The following KIFC1 variants were observed in gnomAD, a reference collection of about 807,000 sequenced individuals.
KIFC1 encodes kinesin-like protein KIFC1.
Under a neutral mutation model 66.6 loss-of-function variants are expected in KIFC1, and 37 were observed. The observed-to-expected ratio is 0.56, with a 90% CI of 0.43 to 0.73. KIFC1 has a LOEUF of 0.73. KIFC1 is among the 30% of genes least tolerant of loss of function. The pLI is 0.00. For synonymous variants in KIFC1, 325 were observed against 343.5 expected, an observed-to-expected ratio of 0.95 and a Z score of 0.60; for missense variants, 721 against 859.8, an observed-to-expected ratio of 0.84 and a Z score of 2.02.
chr6:33,391,840 GGTGTGGCGC>G lies in KIFC1; in HGVS notation c.-144_-136del. Reference sequence around the variant, plus strand: ...TGGCCGTTGGAATTCAAAAGTGGCGGGTGTGGCGCGGGGCTGGTAGCGGCCGGAGCCGTG... The same window carrying G: ...TGGCCGTTGGAATTCAAAAGTGGCGGGGGGCTGGTAGCGGCCGGAGCCGTG... On this transcript the variant is annotated 5_prime_UTR_variant, in exon 1 of 11. Transcript: ENST00000428849. 1 of 907,750 alleles carries G rather than the reference GGTGTGGCGC, an allele frequency of 1.1e-6. No homozygotes were observed. The highest frequency in any genetic ancestry group is 1.7e-6 in the Non-Finnish European group (1 of 577,634). 56.2% of individuals were successfully genotyped at this position (907,750 alleles called of 1,614,324 possible). A position where few individuals can be genotyped will look rare whatever the true frequency, so the allele number is the denominator to read the frequency against.
rs199728061 is a variant in KIFC1, at chr6:33,406,910, G to T, written c.1977+35G>T. ...CCACCCGTCAGCCTTGTCAGGACCCGTGGGTGGTTGTAGGCTTCTCCATTC... is the reference window on the plus strand; with the variant it reads ...CCACCCGTCAGCCTTGTCAGGACCCTTGGGTGGTTGTAGGCTTCTCCATTC... On this transcript the variant is annotated intron_variant, in intron 10 of 10. Coordinates refer to ENST00000428849, the MANE Select transcript of KIFC1 (RefSeq NM_002263.4). The surrounding 1 kb of genome is among the most constrained non-coding windows in gnomAD (Gnocchi z 4.5). 97 of 1,613,372 alleles carry T rather than the reference G, an allele frequency of 6.0e-5. No homozygotes were observed. The East Asian group carries it at 2.1e-3, about 34-fold the overall frequency.
At chr6:33,394,866 A>G (rs1348219052) in intron 1 of KIFC1, among the ~76,000 whole-genome samples, 2 of 152,220 alleles carry the variant, frequency 1.3e-5, no homozygotes, top group African/African-American at 4.8e-5. Context: ...AACTGTCAGC[A>G]TATCAATGAT....
rs1581914545 is a variant in KIFC1, at chr6:33,401,356, G to C, written c.251-1958G>C. Reference sequence around the variant, plus strand: ...TCACCGTATTAGTCAGGATGGTCTCGATCTCCTGACCTCGTGATCCGCCCG... The same window carrying C: ...TCACCGTATTAGTCAGGATGGTCTCCATCTCCTGACCTCGTGATCCGCCCG... On this transcript the variant is annotated intron_variant, in intron 3 of 10. Transcript: ENST00000428849. The surrounding 1 kb of genome is among the most constrained non-coding windows in gnomAD (Gnocchi z 4.5). 6.6e-6 allele frequency among the ~76,000 whole-genome samples: 1 copy of C among 151,744 alleles called. No individual in the cohort carries two copies. Among genetic ancestry groups the C allele is most frequent in the South Asian group, 2.1e-4 (1 of 4,804 alleles).
At chr6:33,391,708 G>T (rs988959123), upstream of KIFC1, 3 of 593,462 alleles carry the variant, frequency 5.1e-6, no homozygotes, top group African/African-American at 5.6e-5. Flanking sequence ...CAAGGCGCCT[G>T]TCGGGCGGGG....
Position 33,403,926 on chromosome 6 carries a change from C to T in KIFC1, c.553C>T (p.Arg185Cys), listed in dbSNP as rs1292087085. 1.1e-5 allele frequency: 18 copies of T among 1,614,102 alleles called. No individual in the cohort carries two copies. Among genetic ancestry groups the T allele is most frequent in the African/African-American group, 5.3e-5 (4 of 74,932 alleles). Residue 185 changes from arginine to cysteine, a missense_variant, in exon 6 of 11, where the codon CGC becomes TGC. Coordinates refer to ENST00000428849, the MANE Select transcript of KIFC1 (RefSeq NM_002263.4). This position sits in a 1 kb window ranked among gnomAD's most constrained non-coding sequence, Gnocchi z 4.6. ...QQQVKALGTERTTLEGHLAKV... is the reference protein window; with the variant it reads ...QQQVKALGTECTTLEGHLAKV... ...GCAGGTCAAGGCCCTGGGGACAGAG[C>T]GCACAACACTGGAGGGGCATTTAGC...
intron 1 of KIFC1, among the ~76,000 whole-genome samples, chr6:33,395,732 G>C (rs1360122184): frequency 6.6e-6 from 1 of 152,018 alleles, no homozygotes; most frequent in Non-Finnish European, 1.5e-5. Context: ...GTAGTGTAGA[G>C]AGGAGGAAGG....
In KIFC1 at chr6:33,406,223, C is replaced by G. The variant is rs1562839176; in HGVS notation, c.1564C>G (p.Gln522Glu). ...GGACGCCCTGCTTCATCTGGCCCGC[C>G]AGAATCGGGCTGTGGCCCGCACAGC... ...EVDALLHLAR[Q>E]NRAVARTAQN... The change falls in exon 8 of 11, where the codon CAG becomes GAG. Residue 522 changes from glutamine to glutamate, a missense_variant. Transcript: ENST00000428849. This position sits in a 1 kb window ranked among gnomAD's most constrained non-coding sequence, Gnocchi z 4.5. 1.2e-6 allele frequency: 2 copies of G among 1,608,648 alleles called. No homozygotes were observed. The highest frequency in any genetic ancestry group is 1.3e-5 in the African/African-American group (1 of 74,898).
intron 10 of KIFC1, among the ~76,000 whole-genome samples, chr6:33,408,286 G>A (rs139561529): frequency 2.0e-5 from 3 of 152,276 alleles, no homozygotes; most frequent in Admixed American, 6.5e-5. Flanking sequence ...CTATTATGTC[G>A]TTTGTTGAAG....
In KIFC1 at chr6:33,400,455, G is replaced by A; in HGVS notation, c.250+2068G>A. The A allele has an allele frequency of 6.2e-6, 10 of 1,603,578 alleles. No individual in the cohort carries two copies. The highest frequency in any genetic ancestry group is 7.7e-6 in the Non-Finnish European group (9 of 1,174,630). ...CAACCTTTTTTGGAGACAGACCCAG[G>A]GGGCCGATCTTGGGGGCCAGGGCAG... is the stretch of plus-strand genomic sequence containing the variant. On this transcript the variant is annotated intron_variant, in intron 3 of 10. Coordinates refer to ENST00000428849, the MANE Select transcript of KIFC1 (RefSeq NM_002263.4). The surrounding 1 kb of genome is among the most constrained non-coding windows in gnomAD (Gnocchi z 4.3).
chr6:33,406,463 G>A lies in KIFC1; in HGVS notation c.1804G>A (p.Val602Ile). The change falls in exon 8 of 11, where the codon GTT (valine) becomes ATT (isoleucine). Residue 602 changes from valine (V) to isoleucine (I), a missense_variant. Transcript: ENST00000428849. The surrounding 1 kb of genome is among the most constrained non-coding windows in gnomAD (Gnocchi z 4.5). ...INSSLSTLGL[V>I]IMALSNKESH... ...CAGCAGCCTGTCCACGCTGGGGCTG[G>A]TTATCATGGCCCTGAGCAACAAGGT... 6.3e-7 allele frequency: 1 copy of A among 1,598,152 alleles called. No individual in the cohort carries two copies. Among genetic ancestry groups the A allele is most frequent in the Non-Finnish European group, 8.5e-7 (1 of 1,169,808 alleles).
In KIFC1 at chr6:33,405,717, G is replaced by A. The variant is rs1375909093; in HGVS notation, c.1536+86G>A. On this transcript the variant is annotated intron_variant, in intron 7 of 10. Coordinates refer to ENST00000428849, the MANE Select transcript of KIFC1 (RefSeq NM_002263.4). The surrounding 1 kb of genome is among the most constrained non-coding windows in gnomAD (Gnocchi z 5.4). Reference sequence around the variant, plus strand: ...TGGAGGTAGAGGGAGAAAGGAGCAAGAGAGAATTGAAGGATGAAGTGCAAG... The same window carrying A: ...TGGAGGTAGAGGGAGAAAGGAGCAAAAGAGAATTGAAGGATGAAGTGCAAG... 7.6e-7 allele frequency: 1 copy of A among 1,318,200 alleles called. No homozygotes were observed. The highest frequency in any genetic ancestry group is 2.6e-5 in the East Asian group (1 of 39,062). The allele number at this position is 1,318,200 out of a possible 1,614,324, so 81.7% of individuals were successfully genotyped here. A position where few individuals can be genotyped will look rare whatever the true frequency, so the allele number is the denominator to read the frequency against.
chr6:33,403,223 A>G lies in KIFC1; in HGVS notation c.251-91A>G. The G allele has an allele frequency of 1.7e-6, 2 of 1,198,658 alleles. No homozygotes were observed. Among genetic ancestry groups the G allele is most frequent in the South Asian group, 1.2e-5 (1 of 81,742 alleles). 74.3% of individuals were successfully genotyped at this position (1,198,658 alleles called of 1,614,324 possible). A position where few individuals can be genotyped will look rare whatever the true frequency, so the allele number is the denominator to read the frequency against. ...AAGTTATCCTATTTCTAATTCTGAGAAAAGCACTTCTTCTGCCCCTGTCCT... is the reference window on the plus strand; with the variant it reads ...AAGTTATCCTATTTCTAATTCTGAGGAAAGCACTTCTTCTGCCCCTGTCCT... On this transcript the variant is annotated intron_variant, in intron 3 of 10. Transcript: ENST00000428849. This position sits in a 1 kb window ranked among gnomAD's most constrained non-coding sequence, Gnocchi z 4.6.
rs1775343770 is a variant in KIFC1 at position 33,400,984 on chromosome 6, C to T, written c.251-2330C>T. ...TGACTCTTGTAATAACAACTGAAAA[C>T]ACAAACATTGTATAGCTTTACAGAA... On this transcript the variant is annotated intron_variant, in intron 3 of 10. Coordinates refer to ENST00000428849, the MANE Select transcript of KIFC1 (RefSeq NM_002263.4). This position sits in a 1 kb window ranked among gnomAD's most constrained non-coding sequence, Gnocchi z 4.3. Among the ~76,000 whole-genome samples, 1 of 152,138 alleles carries T rather than the reference C, an allele frequency of 6.6e-6. No homozygotes were observed. Among genetic ancestry groups the T allele is most frequent in the Non-Finnish European group, 1.5e-5 (1 of 68,014 alleles).
intron 1 of KIFC1, 85 bp downstream of exon 1, chr6:33,392,082 G>C: frequency 6.8e-7 from 1 of 1,470,110 alleles, no homozygotes; most frequent in South Asian, 1.2e-5. Context: ...CCGGCTCCCG[G>C]TCGGCCTTTG....
chr6:33,404,158 G>A lies in KIFC1; in HGVS notation c.756+29G>A, dbSNP rs1775516564. 6.3e-7 allele frequency: 1 copy of A among 1,579,046 alleles called. No homozygotes were observed. The highest frequency in any genetic ancestry group is 1.2e-5 in the South Asian group (1 of 84,964). On this transcript the variant is annotated intron_variant, in intron 6 of 10. Coordinates refer to ENST00000428849, the MANE Select transcript of KIFC1 (RefSeq NM_002263.4). The surrounding 1 kb of genome is among the most constrained non-coding windows in gnomAD (Gnocchi z 4.0). The stretch of plus-strand genomic sequence containing the variant: ...AGGGCCAGATTTTCACCAGATGTCA[G>A]CCCCGCTTTCCTGGCAGAGGTCATG...
In KIFC1 at chr6:33,405,053, G is replaced by C. The variant is rs1170509631; in HGVS notation, c.958G>C (p.Val320Leu). 1.2e-6 allele frequency: 2 copies of C among 1,614,012 alleles called. No individual in the cohort carries two copies. The highest frequency in any genetic ancestry group is 2.7e-5 in the African/African-American group (2 of 74,942). ...CCGTGTATTCTGCCGGGTCCGCCCT[G>C]TCCTGCCGGGGGAGCCCACTCCACC... The part of the protein sequence containing the change: ...NIRVFCRVRP[V>L]LPGEPTPPPG... Residue 320 changes from valine (V) to leucine (L), a missense_variant, in exon 7 of 11, where the codon GTC (valine) becomes CTC (leucine). By Grantham distance (32) the Val-to-Leu change is conservative. Coordinates refer to ENST00000428849, the MANE Select transcript of KIFC1 (RefSeq NM_002263.4). This position sits in a 1 kb window ranked among gnomAD's most constrained non-coding sequence, Gnocchi z 5.4.
intron 1 of KIFC1, among the ~76,000 whole-genome samples, chr6:33,393,360 A>G (rs557027978): frequency 6.6e-6 from 1 of 151,110 alleles, no homozygotes; most frequent in East Asian, 1.9e-4. Flanking sequence ...GAGATGGGGA[A>G]TCATTGGATG....
chr6:33,407,033 G>C, intron 10 of KIFC1, 158 bp downstream of exon 10: 1 of 1,419,918 alleles, frequency 7.0e-7, no homozygotes, highest in Non-Finnish European at 9.2e-7. Flanking sequence ...TTAATTATTA[G>C]CTTTTGAGTT....
rs1775322951 is a variant in KIFC1 at position 33,400,614 on chromosome 6, C to A, written c.250+2227C>A. On this transcript the variant is annotated intron_variant, in intron 3 of 10. Coordinates refer to ENST00000428849, the MANE Select transcript of KIFC1 (RefSeq NM_002263.4). The surrounding 1 kb of genome is among the most constrained non-coding windows in gnomAD (Gnocchi z 4.3). ...TTCAGGATGACCGAAGAAAGTTGCA[C>A]CTTGGCCTCCTCCGAGCCGAAAGCC... The A allele has an allele frequency of 8.1e-6, 7 of 859,904 alleles. No homozygotes were observed. The highest frequency in any genetic ancestry group is 1.3e-5 in the Non-Finnish European group (7 of 534,422). 53.3% of individuals were successfully genotyped at this position (859,904 alleles called of 1,614,324 possible). A position where few individuals can be genotyped will look rare whatever the true frequency, so the allele number is the denominator to read the frequency against.
Sources: allele counts gnomAD v4.1 joint callset (sites outside exome capture counted in the v4.1 genomes callset), GRCh38; gene constraint gnomAD v4.1.1; non-coding constraint Gnocchi (gnomAD v3.1); transcripts MANE v1.5; gene names NCBI Gene and HGNC (gene_info 2026-07-23, HGNC 2026-07-21).